Variants in HEATR5B observed in about 807,000 individuals in gnomAD.
HEATR5B encodes HEAT repeat-containing protein 5B.
Under a neutral mutation model 224.1 loss-of-function variants are expected in HEATR5B, and 156 were observed. The ratio of observed to expected loss-of-function variants is 0.70; its 90% CI spans 0.61 to 0.80. The LOEUF is 0.80. Among genes scored for constraint, HEATR5B ranks in the 30% least tolerant of loss-of-function variants. HEATR5B has a pLI of 0.00. For missense variants in HEATR5B, 2,323 were observed against 2,535.5 expected (o/e 0.92, Z 1.80); for synonymous variants, 1,027 against 893.0 (o/e 1.15, Z -2.68).
chr2:37,018,038 AG>A, intron 26 of HEATR5B, among the ~76,000 whole-genome samples: 1 of 152,272 alleles, frequency 6.6e-6, no homozygotes, highest in African/African-American at 2.4e-5. Context: ...TCTAACAAAC[AG>A]GCTGGGATAT....
At position 37,000,640 on chromosome 2, in the gene HEATR5B, A is replaced by G. The variant is rs1459948185; in HGVS notation, c.5491T>C (p.Trp1831Arg). The stretch of plus-strand genomic sequence containing the variant: ...AGCGTGCTACGAATCAGAGCTGTCC[A>G]CTGTTTTTGAACGCCAGCCTCAGTT... The part of the protein sequence containing the change: ...AKTEAGVQKQ[W>R]TALIRSTLAC... Residue 1831 changes from tryptophan to arginine, a missense_variant, in exon 33 of 36, where the codon TGG becomes CGG. Around this residue, in one of 12 missense-constraint regions of HEATR5B, gnomAD observed 844 missense variants for 812.9 expected, o/e 1.04. Transcript: ENST00000233099. 1.2e-6 allele frequency: 2 copies of G among 1,614,202 alleles called. No individual in the cohort carries two copies. Among genetic ancestry groups the G allele is most frequent in the South Asian group, 1.1e-5 (1 of 91,082 alleles).
chr2:37,006,468 C>T (rs1291786403), intron 29 of HEATR5B, among the ~76,000 whole-genome samples: 4 of 152,092 alleles, frequency 2.6e-5, no homozygotes, highest in African/African-American at 4.8e-5. Context: ...ATGGAGAAAC[C>T]CCACCTCTAC....
At chr2:37,076,811 T>A (rs1306755015) in intron 4 of HEATR5B, 100 bp downstream of exon 4, 1 of 834,520 alleles carries the variant, frequency 1.2e-6, no homozygotes, top group Non-Finnish European at 2.0e-6. Context: ...TGCTAAGCAA[T>A]ATGAGACCAC....
chr2:37,011,846 C>T (rs370021150), intron 27 of HEATR5B, among the ~76,000 whole-genome samples: 243 of 152,188 alleles, frequency 1.6e-3, no homozygotes, highest in African/African-American at 5.4e-3. Flanking sequence ...GTAAACTTAC[C>T]TCTTTTCCAT....
Position 37,028,837 on chromosome 2 carries a change from G to C in HEATR5B, c.3445C>G (p.Leu1149Val). Reference sequence around the variant, plus strand: ...AGCATTCCAAAAAGAAGTCCCTCAAGACCAGTTTCTGTTATATTAACACCT... The same window carrying C: ...AGCATTCCAAAAAGAAGTCCCTCAACACCAGTTTCTGTTATATTAACACCT... ...HQGVNITETGLEGLLFGMLDR... is the reference protein window; with the variant it reads ...HQGVNITETGVEGLLFGMLDR... Residue 1149 changes from leucine to valine, a missense_variant, in exon 23 of 36, where the codon CTT becomes GTT. This residue lies in a region of HEATR5B where 339 missense variants were observed against 378.4 expected (regional missense o/e 0.90). Coordinates refer to ENST00000233099, the MANE Select transcript of HEATR5B (RefSeq NM_019024.3). 1 of 1,614,032 alleles carries C rather than the reference G, an allele frequency of 6.2e-7. No individual in the cohort carries two copies. The highest frequency in any genetic ancestry group is 8.5e-7 in the Non-Finnish European group (1 of 1,179,962).
intron 8 of HEATR5B, among the ~76,000 whole-genome samples, chr2:37,068,340 T>A (rs996078607): frequency 3.3e-5 from 5 of 152,210 alleles, no homozygotes; most frequent in African/African-American, 1.2e-4. Context: ...TAAAAATATA[T>A]GTTTATAAAA....
At chr2:37,062,537 A>G (rs555802680) in intron 10 of HEATR5B, among the ~76,000 whole-genome samples, 27 of 152,318 alleles carry the variant, frequency 1.8e-4, no homozygotes, top group African/African-American at 6.5e-4. Context: ...GAGACCCAGA[A>G]CAGTGTAGTA....
intron 21 of HEATR5B, among the ~76,000 whole-genome samples, chr2:37,034,167 C>T (rs922548399): frequency 1.3e-5 from 2 of 151,224 alleles, no homozygotes; most frequent in Admixed American, 6.6e-5. Context: ...CCACCACGCC[C>T]GGCTAATTTT....
intron 27 of HEATR5B, among the ~76,000 whole-genome samples, 182 bp from the exon 28 acceptor site, chr2:37,009,030 C>T (rs912944506): frequency 5.9e-5 from 9 of 151,678 alleles, no homozygotes; most frequent in Non-Finnish European, 7.4e-5. Flanking sequence ...GAGGCCAAGG[C>T]GGGTAGATCA....
intron 24 of HEATR5B, among the ~76,000 whole-genome samples, chr2:37,024,848 T>C (rs747529220): frequency 3.3e-5 from 5 of 152,130 alleles, no homozygotes; most frequent in African/African-American, 4.8e-5. Context: ...ACAACCAGAG[T>C]GCTGCTGCTT....
At chr2:37,077,730 G>A (rs1672320452) in intron 3 of HEATR5B, among the ~76,000 whole-genome samples, 1 of 152,284 alleles carries the variant, frequency 6.6e-6, no homozygotes, top group South Asian at 2.1e-4. Context: ...ATCATTTACT[G>A]TGTTGTAACT....
intron 24 of HEATR5B, 74 bp downstream of exon 24, chr2:37,027,848 TA>T: frequency 6.8e-7 from 1 of 1,460,568 alleles, no homozygotes; most frequent in Non-Finnish European, 9.5e-7. Flanking sequence ...TCTGTCGCAG[TA>T]AAATATCTCA....
intron 1 of HEATR5B, 28 bp from the exon 2 acceptor site, chr2:37,083,464 TG>T (rs1291376881): frequency 6.0e-6 from 9 of 1,508,662 alleles, no homozygotes; most frequent in Non-Finnish European, 8.2e-6. Flanking sequence ...AAAAAATACT[TG>T]TAAGTATTTT....
chr2:37,046,237 C>T (rs1232614433), intron 18 of HEATR5B, among the ~76,000 whole-genome samples: 3 of 152,152 alleles, frequency 2.0e-5, no homozygotes, highest in African/African-American at 7.2e-5. Flanking sequence ...AGGAACAATG[C>T]ACCTAAATTA....
chr2:37,014,761 G>C (rs1017929428), intron 26 of HEATR5B, among the ~76,000 whole-genome samples: 1 of 150,164 alleles, frequency 6.7e-6, no homozygotes, highest in African/African-American at 2.4e-5. Context: ...GGCGGATCAC[G>C]AGGTCAGGAG....
intron 27 of HEATR5B, among the ~76,000 whole-genome samples, chr2:37,009,404 T>C (rs895852965): frequency 6.6e-6 from 1 of 150,884 alleles, no homozygotes. Context: ...CAAGACCCTA[T>C]CTCTACAAAA....
At chr2:37,013,780 G>C in intron 27 of HEATR5B, 61 bp downstream of exon 27, 1 of 1,398,832 alleles carries the variant, frequency 7.1e-7, no homozygotes, top group Non-Finnish European at 9.6e-7. Context: ...AAGAGTAGAG[G>C]AACATTTTCT....
At chr2:37,051,410 A>C (rs1670541658) in intron 17 of HEATR5B, among the ~76,000 whole-genome samples, 1 of 151,460 alleles carries the variant, frequency 6.6e-6, no homozygotes, top group African/African-American at 2.4e-5. Flanking sequence ...CTGAATGTTG[A>C]AGTAGTTTGC....
chr2:37,003,520 T>A (rs1440107269), intron 31 of HEATR5B, 22 bp downstream of exon 31: 1 of 1,509,608 alleles, frequency 6.6e-7, no homozygotes, highest in African/African-American at 1.4e-5. Context: ...TACTTCAAGT[T>A]AGTGTAATTT....
Sources: gnomAD v4.1 joint callset for allele counts (sites outside exome capture counted in the v4.1 genomes callset) on GRCh38, gnomAD v4.1.1 for gene constraint, gnomAD v4.1.1 regional missense constraint, MANE v1.5 for transcripts, NCBI Gene and HGNC (gene_info 2026-07-23, HGNC 2026-07-21) for gene names.